The following AKT2 variants were observed in gnomAD, a reference collection of about 807,000 sequenced individuals.
AKT2 encodes RAC-beta serine/threonine-protein kinase.
In AKT2, 16 loss-of-function variants were observed where a neutral mutation model predicts 58.6. The observed-to-expected ratio is 0.27, with a 90% CI of 0.18 to 0.41. The LOEUF (loss-of-function observed/expected upper bound fraction) is 0.41, where lower values mean the gene tolerates loss of function less well. Among genes scored for constraint, AKT2 ranks in the 10% least tolerant of loss-of-function variants. AKT2 has a pLI of 1.00. For synonymous variants in AKT2, 253 were observed against 254.0 expected, an observed-to-expected ratio of 1.00 and a Z score of 0.04; for missense variants, 438 against 661.0, an observed-to-expected ratio of 0.66 and a Z score of 3.70.
chr19:40,241,636 A>G (rs764385005), intron 6 of AKT2: 33 of 444,040 alleles, frequency 7.4e-5, no homozygotes, highest in Middle Eastern at 1.3e-3. Flanking sequence ...GGGACTCCCC[A>G]ACAGCGACGT....
chr19:40,232,021 G>A lies in AKT2; in HGVS notation c.*1851C>T, dbSNP rs952013192. The stretch of plus-strand genomic sequence containing the variant: ...CACCCTCCTCATTCTGGGCTACCCA[G>A]ATCTTCCAGCCCTGTCCCTCCACCC... On this transcript the variant is annotated 3_prime_UTR_variant, in exon 14 of 14. Transcript: ENST00000392038. The A allele has an allele frequency of 4.7e-5, 11 of 233,534 alleles. No homozygotes were observed. The highest frequency in any genetic ancestry group is 2.4e-4 in the African/African-American group (11 of 45,332). 14.5% of individuals were successfully genotyped at this position (233,534 alleles called of 1,614,324 possible).
chr19:40,254,949 C>T (rs752018051), intron 4 of AKT2, among the ~76,000 whole-genome samples: 20 of 152,146 alleles, frequency 1.3e-4, no homozygotes, highest in Non-Finnish European at 1.8e-4. Flanking sequence ...CCTGTGATTC[C>T]GATGCACCCG....
intron 1 of AKT2, among the ~76,000 whole-genome samples, chr19:40,271,562 C>T (rs1468347162): frequency 6.6e-6 from 1 of 152,094 alleles, no homozygotes; most frequent in Non-Finnish European, 1.5e-5. Context: ...TCATCTGCCA[C>T]CAGCCATTCA....
At chr19:40,281,338 A>G (rs2077420200) in intron 1 of AKT2, among the ~76,000 whole-genome samples, 1 of 152,168 alleles carries the variant, frequency 6.6e-6, no homozygotes, top group Non-Finnish European at 1.5e-5. Context: ...CAAAAAATTT[A>G]AAAATTAGCT....
chr19:40,277,954 G>A (rs1298387492), intron 1 of AKT2, among the ~76,000 whole-genome samples: 3 of 152,222 alleles, frequency 2.0e-5, no homozygotes, highest in East Asian at 1.9e-4. Flanking sequence ...TAGGGCAGTG[G>A]GGAGGGGGTG....
At chr19:40,260,707 GAT>G (rs1226075952) in intron 2 of AKT2, among the ~76,000 whole-genome samples, 3 of 146,022 alleles carry the variant, frequency 2.1e-5, no homozygotes, top group African/African-American at 7.6e-5. Flanking sequence ...AACAAAATGT[GAT>G]ACATCTACAA....
chr19:40,284,535 G>A (rs1171382675), intron 1 of AKT2, among the ~76,000 whole-genome samples: 1 of 151,962 alleles, frequency 6.6e-6, no homozygotes, highest in African/African-American at 2.4e-5. Context: ...CGCCACACAC[G>A]TCAAATACAG....
At chr19:40,256,612 T>C (rs531850204) in intron 3 of AKT2, among the ~76,000 whole-genome samples, 1 of 152,236 alleles carries the variant, frequency 6.6e-6, no homozygotes, top group Non-Finnish European at 1.5e-5. Context: ...AAGCACAGGA[T>C]GGGAGGCACC....
chr19:40,258,949 CA>C (rs1365058758), intron 2 of AKT2, among the ~76,000 whole-genome samples: 3 of 151,792 alleles, frequency 2.0e-5, no homozygotes, highest in Admixed American at 2.0e-4. Flanking sequence ...CCCAAAGAGC[CA>C]AAATAATATT....
chr19:40,240,423 TGCCACCACAG>T, intron 6 of AKT2: 1 of 571,426 alleles, frequency 1.8e-6, no homozygotes, highest in Non-Finnish European at 3.4e-6. Context: ...AGCCCCGAGG[TGCCACCACAG>T]GCTGTGGGAA....
At chr19:40,256,287 G>C (rs964215924) in intron 3 of AKT2, among the ~76,000 whole-genome samples, 6 of 152,202 alleles carry the variant, frequency 3.9e-5, no homozygotes, top group African/African-American at 1.4e-4. Flanking sequence ...ATAGTGGTCT[G>C]AGCTAAGGCA....
intron 2 of AKT2, among the ~76,000 whole-genome samples, chr19:40,264,253 A>T (rs1215450264): frequency 6.6e-6 from 1 of 152,126 alleles, no homozygotes; most frequent in South Asian, 2.1e-4. Context: ...GGACAAAGCC[A>T]TCTCTCAGCA....
At chr19:40,265,516 G>C (rs1568561140) in intron 1 of AKT2, 165 bp from the exon 2 acceptor site, 1 of 934,810 alleles carries the variant, frequency 1.1e-6, no homozygotes, top group South Asian at 1.7e-5. Flanking sequence ...ATTCTGAGCA[G>C]AGAGATGTGG....
intron 1 of AKT2, among the ~76,000 whole-genome samples, chr19:40,270,960 C>A (rs1345631863): frequency 2.6e-5 from 4 of 151,758 alleles, no homozygotes; most frequent in Non-Finnish European, 5.9e-5. Context: ...CTGCAGTGAG[C>A]TATGACTACA....
intron 1 of AKT2, chr19:40,282,934 T>TTTTA: frequency 5.9e-6 from 1 of 168,946 alleles, no homozygotes; most frequent in Non-Finnish European, 1.3e-5. Flanking sequence ...CCACTTCAGC[T>TTTTA]ATGAGACCTC....
intron 1 of AKT2, among the ~76,000 whole-genome samples, chr19:40,273,114 C>T (rs1045857637): frequency 1.3e-5 from 2 of 152,012 alleles, no homozygotes; most frequent in Admixed American, 6.6e-5. Flanking sequence ...GAGGCCGAGG[C>T]GGGCAAATCA....
At chr19:40,273,199 G>A (rs770793071) in intron 1 of AKT2, among the ~76,000 whole-genome samples, 2 of 151,978 alleles carry the variant, frequency 1.3e-5, no homozygotes, top group African/African-American at 2.4e-5. Context: ...AAAATTAGCC[G>A]GGCTGGTGGC....
chr19:40,274,936 G>A (rs2077283874), intron 1 of AKT2: 2 of 392,620 alleles, frequency 5.1e-6, no homozygotes, highest in Admixed American at 5.5e-5. Context: ...TGCACCCAGG[G>A]CAGGGCAGGA....
chr19:40,249,443 C>A (rs1974985127), intron 4 of AKT2, among the ~76,000 whole-genome samples: 1 of 152,226 alleles, frequency 6.6e-6, no homozygotes, highest in African/African-American at 2.4e-5. Flanking sequence ...GGGAGAGACA[C>A]GGCAGCTGGC....
Sources: gnomAD v4.1 joint callset for allele counts (sites outside exome capture counted in the v4.1 genomes callset) on GRCh38, gnomAD v4.1.1 for gene constraint, MANE v1.5 for transcripts, NCBI Gene and HGNC (gene_info 2026-07-23, HGNC 2026-07-21) for gene names.